Variants in FBN2 observed in about 807,000 individuals in gnomAD.
FBN2 encodes the protein fibrillin-2.
In FBN2, 105 loss-of-function variants were observed where a neutral mutation model predicts 355.6. The observed-to-expected ratio is 0.30, with a 90% confidence interval of 0.25 to 0.35. FBN2 has a LOEUF of 0.35. Among genes scored for constraint, FBN2 ranks in the 10% least tolerant of loss-of-function variants. FBN2 has a pLI of 1.00. For synonymous variants in FBN2, 1,350 were observed against 1,301.2 expected (o/e 1.04, Z -0.81); for missense variants, 3,280 against 3,758.7 (o/e 0.87, Z 3.33).
At chr5:128,424,659 T>A (rs181303572) in intron 7 of FBN2, among the ~76,000 whole-genome samples, 2 of 152,318 alleles carry the variant, frequency 1.3e-5, no homozygotes, top group East Asian at 3.9e-4. Context: ...AGGGAACTTT[T>A]TAATTAAGAG....
intron 20 of FBN2, 71 bp downstream of exon 20, chr5:128,357,205 G>A (rs1341232891): frequency 2.5e-5 from 40 of 1,582,294 alleles, no homozygotes; most frequent in East Asian, 4.5e-5. Flanking sequence ...GTTTTTATCC[G>A]TAGTAAGGCC....
intron 4 of FBN2, among the ~76,000 whole-genome samples, chr5:128,524,531 G>A (rs771100059): frequency 6.6e-6 from 1 of 152,124 alleles, no homozygotes; most frequent in Non-Finnish European, 1.5e-5. Flanking sequence ...AAGAAGTGCT[G>A]TCTGTTTCCA....
intron 23 of FBN2, among the ~76,000 whole-genome samples, chr5:128,347,973 G>C (rs1008531399): frequency 1.5e-4 from 14 of 94,396 alleles, no homozygotes; most frequent in African/African-American, 4.6e-4. Flanking sequence ...GAGACGGGGA[G>C]GGGGGGGTTC....
At position 128,328,366 on chromosome 5, in the gene FBN2, T is replaced by C. The variant is rs1750608252; in HGVS notation, c.4471+330A>G. On this transcript the variant is annotated intron_variant, in intron 34 of 64. Transcript: ENST00000262464. ...AAATAGTGGTAGTTGAGACAAGTAA[T>C]GGAGCATACTTTAAAAGCTGAATAG... 1.4e-5 allele frequency: 8 copies of C among 568,638 alleles called. No individual in the cohort carries two copies. In the East Asian group the frequency reaches 2.1e-4, roughly 15 times the overall value. The allele number at this position is 568,638 out of a possible 1,614,324, so 35.2% of individuals were successfully genotyped here.
At chr5:128,419,859 C>A (rs549529000) in intron 7 of FBN2, among the ~76,000 whole-genome samples, 1 of 152,112 alleles carries the variant, frequency 6.6e-6, no homozygotes, top group African/African-American at 2.4e-5. Context: ...CCATGCCTGG[C>A]TAATTTTGTA....
intron 23 of FBN2, among the ~76,000 whole-genome samples, chr5:128,347,519 C>T (rs138177805): frequency 4.6e-5 from 7 of 152,262 alleles, no homozygotes; most frequent in African/African-American, 1.4e-4. Flanking sequence ...CCTGTTGTCG[C>T]GTCACTCATT....
intron 58 of FBN2, 123 bp downstream of exon 58, chr5:128,277,757 A>C: frequency 8.6e-7 from 1 of 1,161,468 alleles, no homozygotes; most frequent in South Asian, 1.3e-5. Flanking sequence ...GGATGGCAAC[A>C]TTTTAATAAA....
At chr5:128,314,295 T>C (rs1309880869) in intron 36 of FBN2, among the ~76,000 whole-genome samples, 6 of 152,132 alleles carry the variant, frequency 3.9e-5, no homozygotes, top group Non-Finnish European at 5.9e-5. Context: ...ATTCTCATGG[T>C]CCCCCTTCTA....
intron 7 of FBN2, among the ~76,000 whole-genome samples, chr5:128,425,807 G>A (rs1753468369): frequency 6.6e-6 from 1 of 152,114 alleles, no homozygotes; most frequent in South Asian, 2.1e-4. Context: ...CTCATTCACT[G>A]AGACACATAC....
intron 8 of FBN2, among the ~76,000 whole-genome samples, chr5:128,400,937 T>C (rs926415848): frequency 6.6e-6 from 1 of 152,116 alleles, no homozygotes; most frequent in Non-Finnish European, 1.5e-5. Context: ...CATGCTATTC[T>C]CATGGTAGTG....
chr5:128,322,764 T>C (rs1750419817), intron 34 of FBN2, among the ~76,000 whole-genome samples: 1 of 151,770 alleles, frequency 6.6e-6, no homozygotes, highest in Admixed American at 6.6e-5. Context: ...TCTGGCTCTT[T>C]TTTGGTTCCA....
In FBN2 at chr5:128,277,859, T is replaced by C. The variant is rs28763924; in HGVS notation, c.7471+21A>G. 10,384 of 1,614,020 alleles carry C rather than the reference T, an allele frequency of 6.4e-3. 117 individuals are homozygous for C. The highest frequency in any genetic ancestry group is 6.8e-3 in the African/African-American group (513 of 75,044). On this transcript the variant is annotated intron_variant, in intron 58 of 64. Transcript: ENST00000262464. ...GCTGATTAGCCCCCAAACCCCTGGA[T>C]ATAGAGGTGCCCATCGTTACCTATA... is the stretch of plus-strand genomic sequence containing the variant.
At chr5:128,320,925 C>A (rs2126876361) in intron 34 of FBN2, among the ~76,000 whole-genome samples, 1 of 152,242 alleles carries the variant, frequency 6.6e-6, no homozygotes, top group East Asian at 1.9e-4. Context: ...AAAATTAGCA[C>A]TCATGTATCC....
rs562421601 is a variant in FBN2 at position 128,269,910 on chromosome 5, A to C, written c.7960+2089T>G. Among the ~76,000 whole-genome samples, 4 of 152,304 alleles carry C rather than the reference A, an allele frequency of 2.6e-5. No individual in the cohort carries two copies. In the South Asian group the frequency reaches 8.3e-4, roughly 32 times the overall value. On this transcript the variant is annotated intron_variant, in intron 62 of 64. Transcript: ENST00000262464. ...AAGATAATCCTAAGCAAAAGGAACA[A>C]AGCTGGAGGCCTCATGCTACCTGTC...
chr5:128,506,738 G>GT (rs1428096449), intron 5 of FBN2, among the ~76,000 whole-genome samples: 6 of 152,138 alleles, frequency 3.9e-5, no homozygotes, highest in East Asian at 3.9e-4. Flanking sequence ...CCATATTACA[G>GT]TTTTTTTGGA....
At chr5:128,298,864 G>C (rs1749619505) in intron 48 of FBN2, among the ~76,000 whole-genome samples, 1 of 152,184 alleles carries the variant, frequency 6.6e-6, no homozygotes. Flanking sequence ...GTCCAGTTTT[G>C]TTCTGTTGCT....
intron 48 of FBN2, among the ~76,000 whole-genome samples, chr5:128,294,176 T>G (rs1244984652): frequency 6.6e-6 from 1 of 152,216 alleles, no homozygotes; most frequent in African/African-American, 2.4e-5. Context: ...CTCATCATTT[T>G]TTATGGCTGC....
intron 8 of FBN2, among the ~76,000 whole-genome samples, chr5:128,397,797 C>T (rs1752687017): frequency 6.6e-6 from 1 of 152,054 alleles, no homozygotes; most frequent in East Asian, 1.9e-4. Context: ...CTATTAAACT[C>T]CGGAGACTGT....
At chr5:128,421,431 G>A (rs1410431914) in intron 7 of FBN2, among the ~76,000 whole-genome samples, 2 of 152,090 alleles carry the variant, frequency 1.3e-5, no homozygotes, top group African/African-American at 4.8e-5. Flanking sequence ...AGGGGAAATG[G>A]CAATAAGTTT....
Sources: allele counts gnomAD v4.1 joint callset (sites outside exome capture counted in the v4.1 genomes callset), GRCh38; gene constraint gnomAD v4.1.1; transcripts MANE v1.5; gene names NCBI Gene and HGNC (gene_info 2026-07-23, HGNC 2026-07-21).